FRMPD4: variants seen among roughly 807,000 people sequenced by gnomAD.
FRMPD4 encodes FERM and PDZ domain containing 4.
In FRMPD4, 22 loss-of-function variants were observed where a neutral mutation model predicts 94.1. The observed-to-expected ratio is 0.23, with a 90% CI of 0.17 to 0.33. FRMPD4 has a LOEUF of 0.33. Among genes scored for constraint, FRMPD4 ranks in the 10% least tolerant of loss-of-function variants. The pLI is 1.00. For synonymous variants in FRMPD4, 631 were observed against 548.6 expected (o/e 1.15, Z -2.10); for missense variants, 1,111 against 1,339.9 (o/e 0.83, Z 2.67).
intron 3 of FRMPD4, among the ~76,000 whole-genome samples, chrX:12,038,954 C>G (rs1304783350): frequency 9.3e-6 from 1 of 107,985 alleles, no homozygotes; most frequent in African/African-American, 3.4e-5. Context: ...TGCTTTGTCT[C>G]TAGTTTGTTC....
intron 2 of FRMPD4, among the ~76,000 whole-genome samples, chrX:12,549,032 T>C (rs1005453917): frequency 1.8e-5 from 2 of 111,774 alleles, no homozygotes; most frequent in Non-Finnish European, 3.8e-5. Flanking sequence ...GCACAACTTC[T>C]ACTTCTTTGA....
At chrX:11,849,788 C>T (rs762571143) in intron 1 of FRMPD4, among the ~76,000 whole-genome samples, 103 of 109,453 alleles carry the variant, frequency 9.4e-4, no homozygotes, top group African/African-American at 3.3e-3. Flanking sequence ...CAAAGTAGAT[C>T]AAAAGCCTAA....
intron 1 of FRMPD4, among the ~76,000 whole-genome samples, chrX:12,408,505 G>A (rs934843871): frequency 1.6e-4 from 18 of 110,781 alleles, no homozygotes; most frequent in Non-Finnish European, 3.0e-4. Context: ...AAATTCCTGG[G>A]GGCAAGGCCT....
At chrX:12,648,287 G>A (rs1281977143) in intron 4 of FRMPD4, among the ~76,000 whole-genome samples, 1 of 111,491 alleles carries the variant, frequency 9.0e-6, no homozygotes, top group Non-Finnish European at 1.9e-5. Flanking sequence ...AATTATACTT[G>A]CTGGTATACT....
intron 1 of FRMPD4, among the ~76,000 whole-genome samples, chrX:12,192,476 T>C (rs2188727): frequency 0.45 from 49,743 of 110,551 alleles, 8,678 homozygotes; most frequent in African/African-American, 0.61. Context: ...GGCAGCTGCA[T>C]TGACATTGGA....
chrX:12,429,065 G>T (rs2056984037), intron 1 of FRMPD4, among the ~76,000 whole-genome samples: 1 of 111,476 alleles, frequency 9.0e-6, no homozygotes, highest in Non-Finnish European at 1.9e-5. Flanking sequence ...ATTTTTCTGG[G>T]GAATGACCCC....
chrX:12,555,968 A>T (rs755754209), intron 2 of FRMPD4, among the ~76,000 whole-genome samples: 1 of 110,789 alleles, frequency 9.0e-6, no homozygotes, highest in Non-Finnish European at 1.9e-5. Context: ...TGCATTGGTT[A>T]TTCAAAGATG....
chrX:12,391,130 G>T (rs2407935), intron 1 of FRMPD4, among the ~76,000 whole-genome samples: 1 of 111,020 alleles, frequency 9.0e-6, no homozygotes, highest in Non-Finnish European at 1.9e-5. Context: ...AATTCTTTTC[G>T]TAAGGAAAAT....
chrX:12,071,243 C>T (rs975290905), intron 3 of FRMPD4, among the ~76,000 whole-genome samples: 1 of 110,155 alleles, frequency 9.1e-6, no homozygotes, highest in African/African-American at 3.3e-5. Context: ...CTCCTCCTTC[C>T]TTCTTCCTCC....
At chrX:12,690,164 G>C in intron 7 of FRMPD4, 31 bp from the exon 8 acceptor site, 2 of 1,167,063 alleles carry the variant, frequency 1.7e-6, no homozygotes, top group East Asian at 3.0e-5. Context: ...CTTCGATTTT[G>C]GTCTCATCAT....
intron 1 of FRMPD4, among the ~76,000 whole-genome samples, chrX:12,231,931 A>T (rs1269862910): frequency 8.9e-6 from 1 of 111,845 alleles, no homozygotes. Flanking sequence ...GTGTTTCCAT[A>T]CCAGCTCCCT....
At chrX:12,598,317 T>C (rs1569357004) in intron 2 of FRMPD4, among the ~76,000 whole-genome samples, 1 of 110,776 alleles carries the variant, frequency 9.0e-6, no homozygotes, top group Non-Finnish European at 1.9e-5. Flanking sequence ...AACAGGTGGA[T>C]GTGGGCACAG....
intron 3 of FRMPD4, among the ~76,000 whole-genome samples, chrX:12,069,044 T>C (rs1466291449): frequency 2.7e-5 from 3 of 111,447 alleles, no homozygotes; most frequent in Admixed American, 9.5e-5. Context: ...GAGTGTTAGG[T>C]TGAGGTTTTT....
At chrX:12,130,102 A>AAGAC (rs1373968587) in intron 3 of FRMPD4, among the ~76,000 whole-genome samples, 1 of 92,717 alleles carries the variant, frequency 1.1e-5, no homozygotes, top group Non-Finnish European at 2.1e-5. Context: ...GAGCCAGCGG[A>AAGAC]AGAGAGAGAG....
At chrX:12,415,350 C>G (rs115690265) in intron 1 of FRMPD4, among the ~76,000 whole-genome samples, 1,542 of 111,261 alleles carry the variant, frequency 0.014, 30 homozygotes, top group African/African-American at 0.046. Context: ...AAAGATAGTC[C>G]TGAGCCCTGC....
Position 12,720,559 on chromosome X carries a change from A to T in FRMPD4, c.3990A>T (p.Arg1330Ser). 4 of 1,204,050 alleles carry T rather than the reference A, an allele frequency of 3.3e-6. No individual in the cohort carries two copies. Among genetic ancestry groups the T allele is most frequent in the Non-Finnish European group, 4.5e-6 (4 of 889,456 alleles). Residue 1330 changes from arginine (R) to serine (S), a missense_variant, in exon 17 of 17, where the codon AGA becomes AGT. Arg to Ser is a moderately radical substitution (Grantham distance 110, BLOSUM62 -1). Around this residue, in one of 8 missense-constraint regions of FRMPD4, gnomAD observed 551 missense variants for 591.6 expected, o/e 0.93. Transcript: ENST00000675598. Reference protein sequence around the residue: ...TTALTEPGKERRGGMPSAWSQ... With the variant: ...TTALTEPGKESRGGMPSAWSQ... The stretch of plus-strand genomic sequence containing the variant: ...CTTTGACAGAGCCTGGGAAGGAGAG[A>T]CGAGGAGGCATGCCTTCAGCTTGGT...
At chrX:12,325,352 A>T (rs2055269776) in intron 1 of FRMPD4, among the ~76,000 whole-genome samples, 1 of 112,712 alleles carries the variant, frequency 8.9e-6, no homozygotes, top group African/African-American at 3.2e-5. Flanking sequence ...AAGCCAAAAA[A>T]ATTTGCCATC....
intron 1 of FRMPD4, among the ~76,000 whole-genome samples, chrX:12,262,813 A>G (rs1477154851): frequency 9.0e-6 from 1 of 111,691 alleles, no homozygotes; most frequent in Non-Finnish European, 1.9e-5. Flanking sequence ...TGTATAAGGA[A>G]TGAAGGTGAC....
chrX:12,497,100 G>A (rs1338051731), intron 1 of FRMPD4, among the ~76,000 whole-genome samples: 8 of 111,304 alleles, frequency 7.2e-5, no homozygotes, highest in Non-Finnish European at 1.9e-5. Flanking sequence ...AGGAAAGGAA[G>A]ATAGTTTATT....
Sources: gnomAD v4.1 joint callset for allele counts (sites outside exome capture counted in the v4.1 genomes callset) on GRCh38, gnomAD v4.1.1 for gene constraint, gnomAD v4.1.1 regional missense constraint, MANE v1.5 for transcripts, NCBI Gene and HGNC (gene_info 2026-07-23, HGNC 2026-07-21) for gene names.